Variants in BCL2L14 observed in about 807,000 individuals in gnomAD.
The protein encoded by BCL2L14 is apoptosis facilitator Bcl-2-like protein 14.
A neutral mutation model predicts 35.3 loss-of-function variants in BCL2L14; 27 were observed. That is an observed-to-expected ratio of 0.76 (90% CI 0.56 to 1.05). The LOEUF (loss-of-function observed/expected upper bound fraction) is 1.05. Ranked by LOEUF, BCL2L14 falls within the 50% of genes least tolerant of loss-of-function variation. BCL2L14 has a pLI of 0.00. For synonymous variants in BCL2L14, 139 were observed against 145.9 expected (o/e 0.95, Z 0.34); for missense variants, 377 against 382.6 (o/e 0.99, Z 0.12).
In BCL2L14 at chr12:12,060,515, T is replaced by C. The variant is rs539318037; in HGVS notation, c.-272+8668T>C. ...CAACAGGATTTAATTAACCTCGCCTTCAAGGTGTACAATAATAGAAAAAAG... is the reference window on the plus strand; with the variant it reads ...CAACAGGATTTAATTAACCTCGCCTCCAAGGTGTACAATAATAGAAAAAAG... On this transcript the variant is annotated intron_variant, in intron 2 of 3. Coordinates refer to the BCL2L14 transcript ENST00000461264. Among the ~76,000 whole-genome samples the C allele has an allele frequency of 2.4e-4, 25 of 105,372 alleles. 1 individual carries two copies. Among genetic ancestry groups the C allele is most frequent in the African/African-American group, 6.4e-4 (18 of 28,164 alleles). The allele number at this position is 105,372 out of a possible 152,430, so 69.1% of individuals were successfully genotyped here. A position where few individuals can be genotyped will look rare whatever the true frequency, so the allele number is the denominator to read the frequency against.
intron 1 of BCL2L14, among the ~76,000 whole-genome samples, chr12:12,073,712 C>T (rs748640593): frequency 6.6e-5 from 10 of 152,158 alleles, no homozygotes; most frequent in Non-Finnish European, 1.2e-4. Flanking sequence ...CTGACGAGGG[C>T]GCACAGCCTC....
chr12:12,079,244 G>A (rs1948852396), intron 1 of BCL2L14, 55 bp from the exon 2 acceptor site: 1 of 1,456,000 alleles, frequency 6.9e-7, no homozygotes, highest in Non-Finnish European at 9.4e-7. Flanking sequence ...CTCCTAACCT[G>A]CAAAGGGTAA....
At chr12:12,063,002 T>G (rs1488748536) in intron 2 of BCL2L14, among the ~76,000 whole-genome samples, 1 of 152,236 alleles carries the variant, frequency 6.6e-6, no homozygotes, top group Non-Finnish European at 1.5e-5. Flanking sequence ...AGGCCTGTCC[T>G]CAGAATGCTA....
At chr12:12,096,049 C>T (rs1344123187) in intron 5 of BCL2L14, 1 of 985,224 alleles carries the variant, frequency 1.0e-6, no homozygotes, top group Non-Finnish European at 1.2e-6. Flanking sequence ...TTCACCCCAA[C>T]AACCCCCTTG....
chr12:12,094,490 A>C, intron 4 of BCL2L14, 174 bp from the exon 5 acceptor site: 1 of 1,592,334 alleles, frequency 6.3e-7, no homozygotes, highest in Non-Finnish European at 8.6e-7. Flanking sequence ...CGAGCAGTAC[A>C]TGCCCATTCT....
At chr12:12,074,840 A>G (rs924969474) in intron 1 of BCL2L14, among the ~76,000 whole-genome samples, 3 of 152,174 alleles carry the variant, frequency 2.0e-5, no homozygotes, top group African/African-American at 7.2e-5. Context: ...ATGGGATCTT[A>G]CTTTGTTGCC....
intron 1 of BCL2L14, among the ~76,000 whole-genome samples, chr12:12,073,754 G>C (rs1333502914): frequency 6.6e-6 from 1 of 152,126 alleles, no homozygotes; most frequent in African/African-American, 2.4e-5. Flanking sequence ...GAAGGACCAG[G>C]GTGCACATCT....
chr12:12,064,499 C>G (rs35882289), intron 2 of BCL2L14, among the ~76,000 whole-genome samples: 1 of 152,106 alleles, frequency 6.6e-6, no homozygotes, highest in Non-Finnish European at 1.5e-5. Context: ...TACTACACAG[C>G]TGAGTTAATA....
At chr12:12,053,079 A>G (rs976797579) in intron 2 of BCL2L14, among the ~76,000 whole-genome samples, 9 of 152,236 alleles carry the variant, frequency 5.9e-5, no homozygotes, top group Admixed American at 5.9e-4. Context: ...TGGTACCACC[A>G]GCACCACCAC....
At position 12,096,101 on chromosome 12, in the gene BCL2L14, C is replaced by G. The variant is rs564221454; in HGVS notation, c.945+1171C>G. On this transcript the variant is annotated intron_variant, in intron 5 of 5. Coordinates refer to ENST00000308721, the MANE Select transcript of BCL2L14 (RefSeq NM_138723.2). ...AAAGCCTCTCCTGACCCTTCCAGCT[C>G]AAAGGCTGCACAGTCTCTAATCTCC... The G allele has an allele frequency of 3.0e-6, 3 of 985,364 alleles. No homozygotes were observed. In the South Asian group the frequency reaches 1.4e-4, roughly 46 times the overall value. 61.0% of individuals were successfully genotyped at this position (985,364 alleles called of 1,614,324 possible).
At chr12:12,077,044 C>T (rs1948795547) in intron 1 of BCL2L14, among the ~76,000 whole-genome samples, 2 of 152,224 alleles carry the variant, frequency 1.3e-5, no homozygotes, top group Admixed American at 6.5e-5. Flanking sequence ...CACATTGCCT[C>T]AAACCCTGTC....
intron 2 of BCL2L14, among the ~76,000 whole-genome samples, chr12:12,082,732 A>G (rs1417939929): frequency 6.6e-6 from 1 of 152,208 alleles, no homozygotes; most frequent in Admixed American, 6.5e-5. Context: ...TCCATAAAAA[A>G]TGAAAAATGA....
chr12:12,097,152 A>T (rs1271742464), intron 5 of BCL2L14, among the ~76,000 whole-genome samples: 2 of 152,060 alleles, frequency 1.3e-5, no homozygotes, highest in East Asian at 1.9e-4. Flanking sequence ...CTCAAAAAAT[A>T]AAAAAAATTA....
rs1381112852 is a variant in BCL2L14 at position 12,089,772 on chromosome 12, C to A, written c.608-1007C>A. On this transcript the variant is annotated intron_variant, in intron 3 of 5. Coordinates refer to ENST00000308721, the MANE Select transcript of BCL2L14 (RefSeq NM_138723.2). ...CGTTCCTATCCATCTGCCCTTTTAG[C>A]CTTGGCCATAGGGGAATTTATTAAT... Among the ~76,000 whole-genome samples, 3 of 152,202 alleles carry A rather than the reference C, an allele frequency of 2.0e-5. No individual in the cohort carries two copies. In the East Asian group the frequency reaches 5.8e-4, roughly 29 times the overall value.
In BCL2L14 at chr12:12,086,793, T is replaced by C. The variant is rs566215105; in HGVS notation, c.434-420T>C. 9.8e-5 allele frequency among the ~76,000 whole-genome samples: 15 copies of C among 152,356 alleles called. No homozygotes were observed. The South Asian group carries it at 2.3e-3, about 23-fold the overall frequency. ...CAACCCCGAAATGCTTGTCAAATTA[T>C]CGAATGTCCTCCTATGCATGTAGGG... is the stretch of plus-strand genomic sequence containing the variant. On this transcript the variant is annotated intron_variant, in intron 2 of 5. Coordinates refer to ENST00000308721, the MANE Select transcript of BCL2L14 (RefSeq NM_138723.2).
intron 2 of BCL2L14, among the ~76,000 whole-genome samples, chr12:12,081,856 C>G (rs1350429645): frequency 6.6e-6 from 1 of 152,090 alleles, no homozygotes; most frequent in Non-Finnish European, 1.5e-5. Flanking sequence ...TGCACCCAGC[C>G]GCAAAGCCAG....
chr12:12,075,784 G>A (rs1223732605), intron 1 of BCL2L14, among the ~76,000 whole-genome samples: 1 of 151,524 alleles, frequency 6.6e-6, no homozygotes, highest in African/African-American at 2.4e-5. Flanking sequence ...CCTTTTTTTG[G>A]CGCCATTTAT....
At chr12:12,066,724 T>A (rs1249298217), upstream of BCL2L14, among the ~76,000 whole-genome samples, 3 of 151,830 alleles carry the variant, frequency 2.0e-5, no homozygotes, top group South Asian at 2.1e-4. Context: ...TATTTTTTTT[T>A]TTTTTTTTTG....
chr12:12,079,278 G>C, intron 1 of BCL2L14, 21 bp from the exon 2 acceptor site: 1 of 1,601,588 alleles, frequency 6.2e-7, no homozygotes, highest in African/African-American at 1.3e-5. Flanking sequence ...GAAGGGCACA[G>C]TGTGGACTTT....
Sources: allele counts gnomAD v4.1 joint callset (sites outside exome capture counted in the v4.1 genomes callset), GRCh38; gene constraint gnomAD v4.1.1; transcripts MANE v1.5; gene names NCBI Gene and HGNC (gene_info 2026-07-23, HGNC 2026-07-21).